The following STK24 variants were observed in gnomAD, a reference collection of about 807,000 sequenced individuals.
STK24 encodes the protein serine/threonine kinase 24, also known as serine/threonine-protein kinase 24.
Under a neutral mutation model 55.6 loss-of-function variants are expected in STK24, and 21 were observed. The ratio of observed to expected loss-of-function variants is 0.38; its 90% confidence interval spans 0.27 to 0.54. The LOEUF (loss-of-function observed/expected upper bound fraction) is 0.54, where lower values mean the gene tolerates loss of function less well. Among genes scored for constraint, STK24 ranks in the 20% least tolerant of loss-of-function variants. The pLI, the probability that STK24 is intolerant of heterozygous loss-of-function variation, is 0.79. For missense variants in STK24, 383 were observed against 538.4 expected, an observed-to-expected ratio of 0.71 and a Z score of 2.86; for synonymous variants, 200 against 215.2, an observed-to-expected ratio of 0.93 and a Z score of 0.62.
chr13:98,566,928 T>G (rs547629986), intron 1 of STK24, among the ~76,000 whole-genome samples: 29 of 152,358 alleles, frequency 1.9e-4, no homozygotes, highest in African/African-American at 6.3e-4. Flanking sequence ...TTAATAACTT[T>G]GAAGTCACCA....
At chr13:98,567,516 A>G (rs1330291235) in intron 1 of STK24, among the ~76,000 whole-genome samples, 1 of 152,234 alleles carries the variant, frequency 6.6e-6, no homozygotes, top group African/African-American at 2.4e-5. Context: ...TGGGACCAAA[A>G]AAATGAGAGA....
intron 2 of STK24, among the ~76,000 whole-genome samples, chr13:98,509,918 A>C (rs557200548): frequency 6.6e-6 from 1 of 152,216 alleles, no homozygotes; most frequent in South Asian, 2.1e-4. Flanking sequence ...CCTCCTGCCC[A>C]GGATATGTAA....
intron 1 of STK24, among the ~76,000 whole-genome samples, chr13:98,541,713 G>A (rs1896893235): frequency 6.6e-6 from 1 of 152,182 alleles, no homozygotes; most frequent in South Asian, 2.1e-4. Context: ...GAGATGAACT[G>A]TAGGAAAGAT....
intron 1 of STK24, among the ~76,000 whole-genome samples, chr13:98,546,824 T>C (rs1303493516): frequency 6.6e-6 from 1 of 152,028 alleles, no homozygotes; most frequent in African/African-American, 2.4e-5. Flanking sequence ...GTTTGTCATG[T>C]GGACTCCAGT....
At chr13:98,531,322 A>C (rs1276220043) in intron 1 of STK24, among the ~76,000 whole-genome samples, 2 of 152,240 alleles carry the variant, frequency 1.3e-5, no homozygotes, top group East Asian at 1.9e-4. Flanking sequence ...AGGCCAATGG[A>C]AAGTTTATAA....
At chr13:98,462,814 C>T (rs1332903464) in intron 7 of STK24, among the ~76,000 whole-genome samples, 1 of 152,198 alleles carries the variant, frequency 6.6e-6, no homozygotes, top group African/African-American at 2.4e-5. Flanking sequence ...CATCACAACA[C>T]CTGGTGCCAC....
intron 1 of STK24, among the ~76,000 whole-genome samples, chr13:98,535,968 T>A (rs1284092650): frequency 6.6e-6 from 1 of 152,228 alleles, no homozygotes; most frequent in Non-Finnish European, 1.5e-5. Context: ...AAACTGACTA[T>A]TCTAGAAGCC....
intron 3 of STK24, among the ~76,000 whole-genome samples, chr13:98,478,842 T>A (rs1431378923): frequency 1.3e-5 from 2 of 152,212 alleles, no homozygotes; most frequent in Non-Finnish European, 2.9e-5. Context: ...AACCTTCTGG[T>A]CTCAGGCCCT....
In STK24 at chr13:98,453,153, C is replaced by A. The variant is rs531000805; in HGVS notation, c.*20G>T. The A allele has an allele frequency of 3.1e-6, 5 of 1,613,400 alleles. No individual in the cohort carries two copies. Among genetic ancestry groups the A allele is most frequent in the Non-Finnish European group, 4.2e-6 (5 of 1,179,778 alleles). ...AAGAAGGAAAAAAGGAAAAACAAAA[C>A]CCCAAATGCCAAAGGAATTTCAGTG... On this transcript the variant is annotated 3_prime_UTR_variant, in exon 11 of 11. Transcript: ENST00000539966.
chr13:98,561,459 G>A (rs1186384105), intron 1 of STK24, among the ~76,000 whole-genome samples: 2 of 152,032 alleles, frequency 1.3e-5, no homozygotes, highest in Non-Finnish European at 2.9e-5. Context: ...GCACACACCT[G>A]TAATCCTAGC....
intron 1 of STK24, among the ~76,000 whole-genome samples, chr13:98,535,371 ATATATAT>A (rs1185105338): frequency 5.3e-5 from 2 of 37,412 alleles, no homozygotes; most frequent in African/African-American, 1.7e-4. Context: ...CAAAAAAAAA[ATATATAT>A]ATATATATAT....
intron 6 of STK24, among the ~76,000 whole-genome samples, 167 bp from the exon 7 acceptor site, chr13:98,464,003 G>T (rs1323695232): frequency 1.3e-5 from 2 of 152,178 alleles, no homozygotes; most frequent in African/African-American, 4.8e-5. Context: ...AGTCGCTCAG[G>T]ACCTACGCCT....
chr13:98,574,215 G>A (rs1416171997), intron 1 of STK24, among the ~76,000 whole-genome samples: 1 of 152,164 alleles, frequency 6.6e-6, no homozygotes. Context: ...GTTTCACCAT[G>A]TTAGCCAGGA....
chr13:98,546,114 C>A (rs1483511603), intron 1 of STK24, among the ~76,000 whole-genome samples: 1 of 152,214 alleles, frequency 6.6e-6, no homozygotes, highest in Non-Finnish European at 1.5e-5. Context: ...GTTTAAAAGA[C>A]AATGCACAGA....
At chr13:98,482,916 G>C (rs1412973673) in intron 2 of STK24, among the ~76,000 whole-genome samples, 6 of 152,176 alleles carry the variant, frequency 3.9e-5, no homozygotes, top group Non-Finnish European at 8.8e-5. Context: ...TCCCCTCAGG[G>C]AGCTTTCCAG....
At chr13:98,490,576 T>G in intron 2 of STK24, among the ~76,000 whole-genome samples, 1 of 152,172 alleles carries the variant, frequency 6.6e-6, no homozygotes, top group East Asian at 1.9e-4. Context: ...AATACTAAGT[T>G]GGACTAACGT....
chr13:98,567,237 A>C (rs1313523787), intron 1 of STK24, among the ~76,000 whole-genome samples: 1 of 152,262 alleles, frequency 6.6e-6, no homozygotes, highest in African/African-American at 2.4e-5. Context: ...TGCAACATGC[A>C]ATCTGCTAAC....
At chr13:98,460,785 A>G (rs1893670795) in intron 8 of STK24, among the ~76,000 whole-genome samples, 1 of 152,142 alleles carries the variant, frequency 6.6e-6, no homozygotes, top group Non-Finnish European at 1.5e-5. Flanking sequence ...CATGCCTGTC[A>G]TTCCAACACT....
intron 2 of STK24, among the ~76,000 whole-genome samples, chr13:98,513,316 C>G (rs867915609): frequency 6.6e-6 from 1 of 152,198 alleles, no homozygotes; most frequent in Non-Finnish European, 1.5e-5. Flanking sequence ...TTACTTAAAC[C>G]TATTTTCTGG....
Sources: gnomAD v4.1 joint callset for allele counts (sites outside exome capture counted in the v4.1 genomes callset) on GRCh38, gnomAD v4.1.1 for gene constraint, MANE v1.5 for transcripts, NCBI Gene and HGNC (gene_info 2026-07-23, HGNC 2026-07-21) for gene names.